Variants in FREM3 observed in about 807,000 individuals in gnomAD.
FREM3 encodes FRAS1-related extracellular matrix protein 3.
Under a neutral mutation model 129.1 loss-of-function variants are expected in FREM3, and 105 were observed. The ratio of observed to expected loss-of-function variants is 0.81; its 90% CI spans 0.69 to 0.96. The LOEUF is 0.96. Among genes scored for constraint, FREM3 ranks in the 40% least tolerant of loss-of-function variants. The probability of loss-of-function intolerance (pLI) is 0.00; values close to 1 mark genes in which losing one functional copy is unlikely to be tolerated. For missense variants in FREM3, 2,593 were observed against 2,666.3 expected, an observed-to-expected ratio of 0.97 and a Z score of 0.61; for synonymous variants, 1,014 against 1,044.9, an observed-to-expected ratio of 0.97 and a Z score of 0.57.
rs1373745361 is a variant in FREM3 at position 143,695,623 on chromosome 4, T to C, written c.5053A>G (p.Ser1685Gly). The change falls in exon 1 of 8, where the codon AGC becomes GGC. Residue 1685 changes from serine to glycine, a missense_variant. Coordinates refer to ENST00000329798, the MANE Select transcript of FREM3 (RefSeq NM_001168235.2). Reference sequence around the variant, plus strand: ...TGATCTTCTGCCTTCAGAGACTTGCTGGTAATCAGGAAGCCCATGTGTCCA... The same window carrying C: ...TGATCTTCTGCCTTCAGAGACTTGCCGGTAATCAGGAAGCCCATGTGTCCA... ...HTGHMGFLIT[S>G]KSLKAEDQDS... 2 of 1,537,308 alleles carry C rather than the reference T, an allele frequency of 1.3e-6. No homozygotes were observed. Among genetic ancestry groups the C allele is most frequent in the Admixed American group, 2.0e-5 (1 of 51,010 alleles).
intron 3 of FREM3, 75 bp from the exon 4 acceptor site, chr4:143,624,413 A>G (rs1317363654): frequency 3.5e-6 from 3 of 855,838 alleles, no homozygotes; most frequent in Non-Finnish European, 5.4e-6. Context: ...AGTGGTTTCT[A>G]TTGTTAACAA....
intron 2 of FREM3, among the ~76,000 whole-genome samples, chr4:143,684,539 G>A (rs1020599560): frequency 1.3e-5 from 2 of 152,174 alleles, no homozygotes; most frequent in African/African-American, 4.8e-5. Context: ...CTCTGACAGA[G>A]GCTACCCAAA....
chr4:143,611,457 G>A lies in FREM3; in HGVS notation c.5850C>T (p.Thr1950=). ...CATTCTTGTCAAAGTGGAGGATGCTGGTGTGGTCTTCTGGACGTGAGATGT... is the reference window on the plus strand; with the variant it reads ...CATTCTTGTCAAAGTGGAGGATGCTAGTGTGGTCTTCTGGACGTGAGATGT... ...SDYISRPEDH[T]SILHFDKNET... The change falls in exon 6 of 8, where the codon ACC becomes ACT. Residue 1950 remains threonine, a synonymous_variant. Transcript: ENST00000329798. 6.5e-7 allele frequency: 1 copy of A among 1,537,182 alleles called. No homozygotes were observed. The highest frequency in any genetic ancestry group is 8.7e-7 in the Non-Finnish European group (1 of 1,146,846).
In FREM3 at chr4:143,695,234, G is replaced by A. The variant is rs555176441; in HGVS notation, c.5185+257C>T. ...TTTCAGAAGCAGAAGCTGTCCTCCC[G>A]TGTTTAGCAGTTTTAAGGTATAACT... On this transcript the variant is annotated intron_variant, in intron 1 of 7. Transcript: ENST00000329798. Among the ~76,000 whole-genome samples the A allele has an allele frequency of 8.5e-5, 13 of 152,230 alleles. 1 individual carries two copies. In the South Asian group the frequency reaches 1.2e-3, roughly 15 times the overall value.
At chr4:143,650,670 T>C (rs967852481) in intron 2 of FREM3, among the ~76,000 whole-genome samples, 50 of 152,194 alleles carry the variant, frequency 3.3e-4, no homozygotes, top group African/African-American at 1.2e-3. Flanking sequence ...TTTAAAAGTT[T>C]CTGTAGAAAC....
At chr4:143,626,142 T>C (rs1235747007) in intron 3 of FREM3, among the ~76,000 whole-genome samples, 1 of 152,090 alleles carries the variant, frequency 6.6e-6, no homozygotes, top group Non-Finnish European at 1.5e-5. Flanking sequence ...TTCCTGTCTG[T>C]GATGTTGAGT....
At position 143,577,538 on chromosome 4, in the gene FREM3, A is replaced by T. The variant is rs181515079; in HGVS notation, c.*73T>A. ...TCACTGATATCCCAGAATTGCTAAG[A>T]TCTATAAACAGTAGAGTTTCATTCT... On this transcript the variant is annotated 3_prime_UTR_variant, in exon 8 of 8. Transcript: ENST00000329798. The T allele has an allele frequency of 8.0e-3, 11,026 of 1,381,004 alleles. 56 individuals are homozygous for T. Among genetic ancestry groups the T allele is most frequent in the Non-Finnish European group, 8.7e-3 (8,959 of 1,032,512 alleles). The allele number at this position is 1,381,004 out of a possible 1,614,324, so 85.5% of individuals were successfully genotyped here. A position where few individuals can be genotyped will look rare whatever the true frequency, so the allele number is the denominator to read the frequency against.
rs565969429 is a variant in FREM3, at chr4:143,627,684, C to T, written c.5352G>A (p.Val1784=). 1 of 1,533,908 alleles carries T rather than the reference C, an allele frequency of 6.5e-7. No homozygotes were observed. Among genetic ancestry groups the T allele is most frequent in the African/African-American group, 1.4e-5 (1 of 73,048 alleles). The change falls in exon 3 of 8, where the codon GTG becomes GTA. Residue 1784 remains valine (V), a synonymous_variant. Coordinates refer to ENST00000329798, the MANE Select transcript of FREM3 (RefSeq NM_001168235.2). ...WICLEKEYYI[V]DEDSTFLEVT... The stretch of plus-strand genomic sequence containing the variant: ...CTTCTAAGAATGTGGAATCTTCATC[C>T]ACAATGTAGTACTCTTTCTCCAAAC...
At chr4:143,684,761 A>G (rs753617109) in intron 2 of FREM3, among the ~76,000 whole-genome samples, 12 of 152,244 alleles carry the variant, frequency 7.9e-5, no homozygotes, top group South Asian at 2.1e-4. Flanking sequence ...AAAAAATGAT[A>G]CAAGAAGTAA....
At position 143,585,954 on chromosome 4, in the gene FREM3, T is replaced by G. The variant is rs764931403; in HGVS notation, c.6068A>C (p.Asn2023Thr). 5 of 1,537,676 alleles carry G rather than the reference T, an allele frequency of 3.3e-6. No homozygotes were observed. In the East Asian group the frequency reaches 1.2e-4, roughly 38 times the overall value. Reference protein sequence around the residue: ...LHFGDAEYHVNESARYVEVCV... With the variant: ...LHFGDAEYHVTESARYVEVCV... ...AACCTCCACGTAGCGAGCACTTTCA[T>G]TGACGTGATATTCAGCATCCCCAAA... Residue 2023 changes from asparagine (N) to threonine (T), a missense_variant, in exon 7 of 8, where the codon AAT becomes ACT. Asn to Thr is a moderately conservative substitution (Grantham distance 65). Around this residue, in one of 2 missense-constraint regions of FREM3, gnomAD observed 317 missense variants for 399.0 expected, o/e 0.79. Transcript: ENST00000329798. The surrounding 1 kb of genome is among the most constrained non-coding windows in gnomAD (Gnocchi z 4.2).
rs1739689937 is a variant in FREM3 at position 143,660,443 on chromosome 4, A to G, written c.5275+32670T>C. Among the ~76,000 whole-genome samples, 2 of 152,018 alleles carry G rather than the reference A, an allele frequency of 1.3e-5. 1 individual carries two copies. The highest frequency in any genetic ancestry group is 4.2e-4 in the South Asian group (2 of 4,816). ...GCTCTGTTCTGTTCCATTGATCTATATCTCTGTTTTGGTACCAGTACCATG... is the reference window on the plus strand; with the variant it reads ...GCTCTGTTCTGTTCCATTGATCTATGTCTCTGTTTTGGTACCAGTACCATG... On this transcript the variant is annotated intron_variant, in intron 2 of 7. Coordinates refer to ENST00000329798, the MANE Select transcript of FREM3 (RefSeq NM_001168235.2).
At chr4:143,623,417 TC>T (rs1397262088) in intron 4 of FREM3, among the ~76,000 whole-genome samples, 3 of 151,718 alleles carry the variant, frequency 2.0e-5, no homozygotes, top group Non-Finnish European at 4.4e-5. Context: ...GCTATGCACT[TC>T]CAGGTGCTAC....
chr4:143,610,521 CCCTTCTTAGGT>C (rs1738738125), intron 6 of FREM3, among the ~76,000 whole-genome samples: 1 of 152,170 alleles, frequency 6.6e-6, no homozygotes, highest in Non-Finnish European at 1.5e-5. Flanking sequence ...CCCAGTCTAA[CCCTTCTTAGGT>C]CTGAGCTTAG....
At chr4:143,652,876 G>A (rs1026598836) in intron 2 of FREM3, among the ~76,000 whole-genome samples, 2 of 152,176 alleles carry the variant, frequency 1.3e-5, no homozygotes, top group African/African-American at 4.8e-5. Flanking sequence ...TGATCCGCCT[G>A]CCTCGGCCTC....
At chr4:143,644,915 A>G (rs1488692074) in intron 2 of FREM3, among the ~76,000 whole-genome samples, 1 of 152,130 alleles carries the variant, frequency 6.6e-6, no homozygotes, top group Non-Finnish European at 1.5e-5. Context: ...AAAATGCACC[A>G]TTTCCCCTCA....
At chr4:143,595,538 C>T (rs1013402631) in intron 6 of FREM3, among the ~76,000 whole-genome samples, 4 of 152,098 alleles carry the variant, frequency 2.6e-5, no homozygotes, top group South Asian at 2.1e-4. Flanking sequence ...GACAGGGCCT[C>T]CACACCAGTT....
chr4:143,608,759 G>A (rs1738705984), intron 6 of FREM3, among the ~76,000 whole-genome samples: 1 of 152,092 alleles, frequency 6.6e-6, no homozygotes, highest in African/African-American at 2.4e-5. Context: ...TATGTCTTCT[G>A]GCACTTATGT....
chr4:143,696,238 C>T lies in FREM3; in HGVS notation c.4438G>A (p.Gly1480Arg). 6.5e-7 allele frequency: 1 copy of T among 1,537,810 alleles called. No individual in the cohort carries two copies. The highest frequency in any genetic ancestry group is 8.7e-7 in the Non-Finnish European group (1 of 1,147,042). ...TGAGTGAAAGAGGCAATGGGTTCCCCAGCATAGTCAGAACTTTCTAAGTGA... is the reference window on the plus strand; with the variant it reads ...TGAGTGAAAGAGGCAATGGGTTCCCTAGCATAGTCAGAACTTTCTAAGTGA... ...LGHLESSDYA[G>R]EPIASFTQLQ... Residue 1480 changes from glycine to arginine, a missense_variant, in exon 1 of 8, where the codon GGG becomes AGG. By Grantham distance (125) the Gly-to-Arg change is moderately radical. Around this residue, in one of 2 missense-constraint regions of FREM3, gnomAD observed 2,276 missense variants for 2,267.2 expected, o/e 1.00. Transcript: ENST00000329798.
intron 2 of FREM3, among the ~76,000 whole-genome samples, chr4:143,673,820 A>G (rs571548733): frequency 5.9e-5 from 9 of 152,208 alleles, no homozygotes; most frequent in African/African-American, 2.2e-4. Flanking sequence ...CCTCGCTGCC[A>G]TCTTGCAGTT....
Sources: gnomAD v4.1 joint callset for allele counts (sites outside exome capture counted in the v4.1 genomes callset) on GRCh38, gnomAD v4.1.1 for gene constraint, gnomAD v4.1.1 regional missense constraint, Gnocchi (gnomAD v3.1) non-coding constraint, MANE v1.5 for transcripts, NCBI Gene and HGNC (gene_info 2026-07-23, HGNC 2026-07-21) for gene names.